The following CELF4 variants were observed in gnomAD, a reference collection of about 807,000 sequenced individuals.
The protein encoded by CELF4 is CUGBP Elav-like family member 4, also known as CUG-BP- and ETR-3-like factor 4.
CELF4 carries 18 observed loss-of-function variants against 59.9 expected under a neutral mutation model. The observed-to-expected ratio is 0.30, with a 90% CI of 0.21 to 0.45. The LOEUF is 0.45. Among genes scored for constraint, CELF4 ranks in the 20% least tolerant of loss-of-function variants. CELF4 has a pLI of 1.00. For synonymous variants in CELF4, 261 were observed against 267.1 expected, an observed-to-expected ratio of 0.98 and a Z score of 0.22; for missense variants, 456 against 689.0, an observed-to-expected ratio of 0.66 and a Z score of 3.79.
chr18:37,547,160 G>GGTGTGT (rs59169669), intron 1 of CELF4, among the ~76,000 whole-genome samples: 1,921 of 144,232 alleles, frequency 0.013, 36 homozygotes, highest in African/African-American at 0.04. Flanking sequence ...GTGTGTGTGT[G>GGTGTGT]GTGTGTGTGT....
intron 2 of CELF4, among the ~76,000 whole-genome samples, chr18:37,368,930 G>A (rs1456378115): frequency 6.6e-6 from 1 of 152,226 alleles, no homozygotes; most frequent in Admixed American, 6.5e-5. Flanking sequence ...GTGTGGTCCT[G>A]GTGCATACAA....
intron 10 of CELF4, among the ~76,000 whole-genome samples, chr18:37,260,372 T>C (rs1264874588): frequency 6.6e-6 from 1 of 152,268 alleles, no homozygotes; most frequent in Non-Finnish European, 1.5e-5. Flanking sequence ...GCGTCTTAGA[T>C]AGCATATGCC....
chr18:37,540,838 G>A (rs2099977281), intron 1 of CELF4, among the ~76,000 whole-genome samples: 1 of 152,194 alleles, frequency 6.6e-6, no homozygotes, highest in Admixed American at 6.5e-5. Context: ...AGATGGTGCA[G>A]GACAATTTGA....
At chr18:37,480,220 A>T (rs1308959751) in intron 2 of CELF4, among the ~76,000 whole-genome samples, 1 of 151,444 alleles carries the variant, frequency 6.6e-6, no homozygotes, top group Non-Finnish European at 1.5e-5. Context: ...GGCTGAGATG[A>T]TCTCTGCAGA....
rs146915609 is a variant in CELF4, at chr18:37,314,080, C to T, written c.448+7723G>A. Among the ~76,000 whole-genome samples the T allele has an allele frequency of 3.3e-3, 502 of 152,306 alleles. 3 individuals carry two copies. Among genetic ancestry groups the T allele is most frequent in the African/African-American group, 0.012 (479 of 41,562 alleles). ...ACCCTCTCATGCCTTCCTCACCCTG[C>T]CCAGGTACCACCAGAGACAGGCTGA... On this transcript the variant is annotated intron_variant, in intron 3 of 12. Transcript: ENST00000420428.
intron 2 of CELF4, among the ~76,000 whole-genome samples, chr18:37,373,237 CT>C (rs1217874388): frequency 1.3e-5 from 2 of 152,222 alleles, no homozygotes; most frequent in Non-Finnish European, 2.9e-5. Context: ...CCCTTTCTCA[CT>C]GCTGGTTCCC....
chr18:37,425,102 G>C (rs954454801), intron 2 of CELF4, among the ~76,000 whole-genome samples: 5 of 152,178 alleles, frequency 3.3e-5, no homozygotes, highest in Admixed American at 6.5e-5. Context: ...GTGACTCCTA[G>C]CAGGACTTTG....
rs200583720 is a variant in CELF4 at position 37,375,564 on chromosome 18, C to A, written c.370-53683G>T. 1.4e-4 allele frequency among the ~76,000 whole-genome samples: 21 copies of A among 152,238 alleles called. 1 individual carries two copies. The East Asian group carries it at 3.9e-3, about 28-fold the overall frequency. Reference sequence around the variant, plus strand: ...TATAGCTTACTTAACCCTCCCCACCCCTGTGAGATGGAAACTTAATATTTC... The same window carrying A: ...TATAGCTTACTTAACCCTCCCCACCACTGTGAGATGGAAACTTAATATTTC... On this transcript the variant is annotated intron_variant, in intron 2 of 12. Transcript: ENST00000420428.
intron 1 of CELF4, among the ~76,000 whole-genome samples, chr18:37,489,445 C>T (rs185204806): frequency 5.8e-4 from 88 of 152,206 alleles, no homozygotes; most frequent in Non-Finnish European, 1.0e-3. Flanking sequence ...GTGCCCAAGC[C>T]TCAGCCATTG....
rs541649238 is a variant in CELF4 at position 37,309,705 on chromosome 18, G to A, written c.448+12098C>T. 9.2e-5 allele frequency among the ~76,000 whole-genome samples: 14 copies of A among 152,024 alleles called. No homozygotes were observed. In the South Asian group the frequency reaches 2.5e-3, roughly 27 times the overall value. ...CGCGTGTGCACGAGCAGAGGTATGC[G>A]CGCCCTGGGATGTCAGCAGCAATGA... On this transcript the variant is annotated intron_variant, in intron 3 of 12. Transcript: ENST00000420428.
At chr18:37,474,447 T>G (rs2099843000) in intron 2 of CELF4, among the ~76,000 whole-genome samples, 1 of 152,176 alleles carries the variant, frequency 6.6e-6, no homozygotes, top group South Asian at 2.1e-4. Flanking sequence ...GTGTGTGGCC[T>G]TGGGGTGACG....
chr18:37,368,841 G>A (rs867055039), intron 2 of CELF4, among the ~76,000 whole-genome samples: 8 of 152,220 alleles, frequency 5.3e-5, no homozygotes, highest in Non-Finnish European at 8.8e-5. Flanking sequence ...TGCCTGTGGC[G>A]GTGCAGGTGG....
chr18:37,483,145 T>A (rs1431364911), intron 2 of CELF4, among the ~76,000 whole-genome samples: 1 of 152,118 alleles, frequency 6.6e-6, no homozygotes, highest in Non-Finnish European at 1.5e-5. Context: ...CTTGGTCCCG[T>A]CCCTGCATTT....
At chr18:37,339,645 A>C (rs539143095) in intron 2 of CELF4, among the ~76,000 whole-genome samples, 1 of 151,392 alleles carries the variant, frequency 6.6e-6, no homozygotes, top group Non-Finnish European at 1.5e-5. Flanking sequence ...TCCCAGGTAC[A>C]TGGGAGGCTG....
intron 12 of CELF4, chr18:37,247,620 AAC>A (rs140648486): frequency 1.0e-3 from 156 of 151,800 alleles, no homozygotes; most frequent in Middle Eastern, 3.4e-3. Flanking sequence ...TGGGCACATC[AAC>A]ACACACACAC....
At chr18:37,408,500 G>C (rs961085419) in intron 2 of CELF4, among the ~76,000 whole-genome samples, 1 of 85,926 alleles carries the variant, frequency 1.2e-5, no homozygotes, top group African/African-American at 3.4e-5. Context: ...GCCGGGGGGG[G>C]GCGCGGTGCA....
At chr18:37,436,274 C>G (rs1222178005) in intron 2 of CELF4, among the ~76,000 whole-genome samples, 1 of 152,186 alleles carries the variant, frequency 6.6e-6, no homozygotes, top group Non-Finnish European at 1.5e-5. Flanking sequence ...AACTCGGGAG[C>G]AGTTCGAGAT....
intron 2 of CELF4, among the ~76,000 whole-genome samples, chr18:37,422,487 C>G (rs1786788): frequency 6.6e-6 from 1 of 152,040 alleles, no homozygotes; most frequent in Non-Finnish European, 1.5e-5. Flanking sequence ...CAAAGTCAGC[C>G]CTGCAAGTGT....
intron 2 of CELF4, among the ~76,000 whole-genome samples, chr18:37,355,473 G>C (rs529968928): frequency 6.6e-6 from 1 of 152,292 alleles, no homozygotes; most frequent in Non-Finnish European, 1.5e-5. Context: ...AGGAGTTTGA[G>C]ACCAGCCTGG....
Sources: allele counts gnomAD v4.1 joint callset (sites outside exome capture counted in the v4.1 genomes callset), GRCh38; gene constraint gnomAD v4.1.1; transcripts MANE v1.5; gene names NCBI Gene and HGNC (gene_info 2026-07-23, HGNC 2026-07-21).